The following DMPK variants were observed in gnomAD, a reference collection of about 807,000 sequenced individuals.
DMPK encodes myotonin-protein kinase.
A neutral mutation model predicts 70.3 loss-of-function variants in DMPK; 32 were observed. The observed-to-expected ratio is 0.46, with a 90% confidence interval of 0.34 to 0.61. The LOEUF (loss-of-function observed/expected upper bound fraction) is 0.61. Ranked by LOEUF, DMPK falls within the 20% of genes least tolerant of loss-of-function variation. DMPK has a pLI of 0.01. For synonymous variants in DMPK, 469 were observed against 390.9 expected (o/e 1.20, Z -2.36); for missense variants, 899 against 886.0 (o/e 1.01, Z -0.19).
Position 45,771,373 on chromosome 19 carries a change from G to A in DMPK, c.1624C>T (p.Arg542Trp), listed in dbSNP as rs762915357. 2.5e-6 allele frequency: 4 copies of A among 1,602,250 alleles called. No homozygotes were observed. Among genetic ancestry groups the A allele is most frequent in the Non-Finnish European group, 3.4e-6 (4 of 1,176,122 alleles). The change falls in exon 13 of 15, where the codon CGG becomes TGG. Residue 542 changes from arginine (R) to tryptophan (W), a missense_variant. This residue lies in a region of DMPK where 555 missense variants were observed against 483.8 expected (regional missense o/e 1.15). Transcript: ENST00000291270. ...ATAVTGVPSP[R>W]ATDPPSHLDG... Reference sequence around the variant, plus strand: ...ACATGGGAAGGTGGATCCGTGGCCCGGGGACTGGGGACCCCCGTGACAGCT... The same window carrying A: ...ACATGGGAAGGTGGATCCGTGGCCCAGGGACTGGGGACCCCCGTGACAGCT...
At chr19:45,771,196 G>A in intron 13 of DMPK, 136 bp from the exon 14 acceptor site, 3 of 1,212,240 alleles carry the variant, frequency 2.5e-6, no homozygotes, top group Non-Finnish European at 3.4e-6. Context: ...AGGCCTGAAC[G>A]GAGGGAGATC....
rs772917754 is a variant in DMPK, at chr19:45,771,671, G to C, written c.1503-6C>G. On this transcript the variant is annotated splice_polypyrimidine_tract_variant and splice_region_variant and intron_variant, in intron 11 of 14. Coordinates refer to ENST00000291270, the MANE Select transcript of DMPK (RefSeq NM_004409.5). Reference sequence around the variant, plus strand: ...CCTCTGCCTCGCGTAGTTGACTGTGGGGAGGTAAGGACGGTGAGTCCGTCC... The same window carrying C: ...CCTCTGCCTCGCGTAGTTGACTGTGCGGAGGTAAGGACGGTGAGTCCGTCC... 100 of 1,613,774 alleles carry C rather than the reference G, an allele frequency of 6.2e-5. No individual in the cohort carries two copies. The highest frequency in any genetic ancestry group is 8.1e-5 in the Non-Finnish European group (95 of 1,179,928).
At chr19:45,779,992 T>C (rs764372949) in intron 1 of DMPK, 123 bp from the exon 2 acceptor site, 2 of 1,562,854 alleles carry the variant, frequency 1.3e-6, no homozygotes, top group Admixed American at 1.9e-5. Flanking sequence ...CCTAGGACTG[T>C]CTGCTTCCCA....
At position 45,770,284 on chromosome 19, in the gene DMPK, C is replaced by A; in HGVS notation, c.*204G>T. The A allele has an allele frequency of 3.5e-6, 3 of 855,392 alleles. No homozygotes were observed. Among genetic ancestry groups the A allele is most frequent in the Admixed American group, 2.1e-5 (1 of 47,848 alleles). 53.0% of individuals were successfully genotyped at this position (855,392 alleles called of 1,614,324 possible). ...CAGCAGCATTCCCGGCTACAAGGAC[C>A]CTTCGAGCCCCGTTCGCCGGCCGCG... On this transcript the variant is annotated 3_prime_UTR_variant, in exon 15 of 15. Transcript: ENST00000291270.
At chr19:45,772,955 C>T (rs1411785970) in intron 9 of DMPK, among the ~76,000 whole-genome samples, 2 of 152,212 alleles carry the variant, frequency 1.3e-5, no homozygotes, top group African/African-American at 4.8e-5. Context: ...CCTCTCCTGG[C>T]CTTGGGCCCC....
chr19:45,774,422 C>T (rs1600427073), intron 9 of DMPK, among the ~76,000 whole-genome samples: 1 of 151,856 alleles, frequency 6.6e-6, no homozygotes, highest in African/African-American at 2.4e-5. Context: ...CCACCATGCC[C>T]GGCTAATTTT....
At chr19:45,775,196 C>T in intron 8 of DMPK, 162 bp from the exon 9 acceptor site, 1 of 596,436 alleles carries the variant, frequency 1.7e-6, no homozygotes, top group South Asian at 1.9e-5. Flanking sequence ...GATACGGAGT[C>T]TCGCTCTGTT....
intron 9 of DMPK, among the ~76,000 whole-genome samples, chr19:45,773,695 G>C (rs1393163499): frequency 6.6e-6 from 1 of 152,148 alleles, no homozygotes; most frequent in South Asian, 2.1e-4. Flanking sequence ...TTGTTGCCTA[G>C]GCTGGAATCT....
rs756122292 is a variant in DMPK, at chr19:45,777,511, G to C, written c.962C>G (p.Pro321Arg). 5.6e-6 allele frequency: 9 copies of C among 1,613,544 alleles called. No individual in the cohort carries two copies. Among genetic ancestry groups the C allele is most frequent in the South Asian group, 2.2e-5 (2 of 91,090 alleles). The change falls in exon 8 of 15, where the codon CCG becomes CGG. Residue 321 changes from proline (P) to arginine (R), a missense_variant. Transcript: ENST00000291270. The surrounding 1 kb of genome is among the most constrained non-coding windows in gnomAD (Gnocchi z 6.7). ...TCCACCCCGGCCCAGCCGTGTCTCC[G>C]GGGGACACAGCAACCGCTGAATGAA... ...RDFIQRLLCP[P>R]ETRLGRGGAG...
chr19:45,781,122 G>A (rs1339572266), intron 1 of DMPK, among the ~76,000 whole-genome samples: 1 of 152,200 alleles, frequency 6.6e-6, no homozygotes, highest in Non-Finnish European at 1.5e-5. Flanking sequence ...AAGGAACCAG[G>A]CCTGGGTCAG....
At position 45,770,597 on chromosome 19, in the gene DMPK, A is replaced by C; in HGVS notation, c.1781T>G (p.Phe594Cys). The change falls in exon 15 of 15, where the codon TTC becomes TGC. Residue 594 changes from phenylalanine to cysteine, a missense_variant. Physicochemically the swap from Phe to Cys is radical, Grantham distance 205 (BLOSUM62 -2). Transcript: ENST00000291270. ...GLSEALSLLLFAVVLSRAAAL... is the reference protein window; with the variant it reads ...GLSEALSLLLCAVVLSRAAAL... Reference sequence around the variant, plus strand: ...GGCGGCACGAGACAGAACAACGGCGAACAGGAGCAGGGAAAGCGCCTCCGA... The same window carrying C: ...GGCGGCACGAGACAGAACAACGGCGCACAGGAGCAGGGAAAGCGCCTCCGA... 1.9e-6 allele frequency: 3 copies of C among 1,552,934 alleles called. No homozygotes were observed. The highest frequency in any genetic ancestry group is 2.6e-6 in the Non-Finnish European group (3 of 1,148,268).
intron 2 of DMPK, 23 bp from the exon 3 acceptor site, chr19:45,779,545 G>C (rs760240414): frequency 1.2e-6 from 2 of 1,613,368 alleles, no homozygotes; most frequent in South Asian, 1.1e-5. Context: ...TAGTGAGACA[G>C]AGTGGAGACG....
rs1181325194 is a variant in DMPK at position 45,770,596 on chromosome 19, G to A, written c.1782C>T (p.Phe594=). The part of the protein sequence containing the change: ...GLSEALSLLL[F]AVVLSRAAAL... ...CGGCGGCACGAGACAGAACAACGGC[G>A]AACAGGAGCAGGGAAAGCGCCTCCG... Residue 594 remains phenylalanine (F), a synonymous_variant, in exon 15 of 15, where the codon TTC becomes TTT. Transcript: ENST00000291270. 1.3e-6 allele frequency: 2 copies of A among 1,552,868 alleles called. No homozygotes were observed. The highest frequency in any genetic ancestry group is 1.4e-5 in the African/African-American group (1 of 73,230).
rs926450723 is a variant in DMPK, at chr19:45,770,956, G to A, written c.1737+15C>T. The A allele has an allele frequency of 2.1e-6, 3 of 1,417,080 alleles. No individual in the cohort carries two copies. Among genetic ancestry groups the A allele is most frequent in the African/African-American group, 1.5e-5 (1 of 67,110 alleles). The allele number at this position is 1,417,080 out of a possible 1,614,324, so 87.8% of individuals were successfully genotyped here. ...GGGCGCGACGGCGGAGGGGGGCGTGGGCAGCCGGACGTACCCTGGCAGGGA... is the reference window on the plus strand; with the variant it reads ...GGGCGCGACGGCGGAGGGGGGCGTGAGCAGCCGGACGTACCCTGGCAGGGA... On this transcript the variant is annotated intron_variant, in intron 14 of 14. Transcript: ENST00000291270.
intron 10 of DMPK, 40 bp downstream of exon 10, chr19:45,772,601 C>T: frequency 2.2e-6 from 3 of 1,390,606 alleles, no homozygotes; most frequent in Non-Finnish European, 2.9e-6. Context: ...TTTTCTCTCC[C>T]AATTGTCCCT....
In DMPK at chr19:45,777,575, G is replaced by A; in HGVS notation, c.898C>T (p.Pro300Ser). The change falls in exon 8 of 15, where the codon CCG (proline) becomes TCG (serine). Residue 300 changes from proline (P) to serine (S), a missense_variant. Pro to Ser is a moderately conservative substitution (Grantham distance 74). This residue lies in a region of DMPK where 555 missense variants were observed against 483.8 expected (regional missense o/e 1.15). Coordinates refer to ENST00000291270, the MANE Select transcript of DMPK (RefSeq NM_004409.5). This position sits in a 1 kb window ranked among gnomAD's most constrained non-coding sequence, Gnocchi z 6.7. ...TCAGGGACCCCTTCGTCCACCAGCG[G>A]CAGAGAGAGGTGCTCCTGCTCAGAG... is the stretch of plus-strand genomic sequence containing the variant. ...IVHYKEHLSL[P>S]LVDEGVPEEA... 1 of 1,613,414 alleles carries A rather than the reference G, an allele frequency of 6.2e-7. No individual in the cohort carries two copies. The highest frequency in any genetic ancestry group is 1.7e-5 in the Admixed American group (1 of 59,998).
chr19:45,778,285 G>T, intron 5 of DMPK, 65 bp from the exon 6 acceptor site: 1 of 1,497,956 alleles, frequency 6.7e-7, no homozygotes, highest in Non-Finnish European at 9.2e-7. Context: ...ACCAGGCTCC[G>T]CCCCTCCGGG....
rs1969243328 is a variant in DMPK, at chr19:45,770,062, C to T, written c.*426G>A. 4.1e-6 allele frequency: 2 copies of T among 483,212 alleles called. No homozygotes were observed. The highest frequency in any genetic ancestry group is 7.7e-6 in the Non-Finnish European group (2 of 258,102). The allele number at this position is 483,212 out of a possible 1,614,324, so 29.9% of individuals were successfully genotyped here. On this transcript the variant is annotated 3_prime_UTR_variant, in exon 15 of 15. Coordinates refer to ENST00000291270, the MANE Select transcript of DMPK (RefSeq NM_004409.5). ...GGGCGTCATGCACAAGAAAGCTTTG[C>T]ACTTTGCGAACCAACGATAGGTGGG...
chr19:45,769,725 G>A lies in DMPK; in HGVS notation c.*763C>T, dbSNP rs535702541. 30 of 169,008 alleles carry A rather than the reference G, an allele frequency of 1.8e-4. No individual in the cohort carries two copies. Among genetic ancestry groups the A allele is most frequent in the African/African-American group, 6.1e-4 (25 of 40,840 alleles). 10.5% of individuals were successfully genotyped at this position (169,008 alleles called of 1,614,324 possible). A position where few individuals can be genotyped will look rare whatever the true frequency, so the allele number is the denominator to read the frequency against. The stretch of plus-strand genomic sequence containing the variant: ...ACTGTGGAGTCCAGAGCTTTGGGCA[G>A]ATGGAGGGCCTTTTATTCGCGAGGG... On this transcript the variant is annotated 3_prime_UTR_variant, in exon 15 of 15. Transcript: ENST00000291270.
Sources: allele counts gnomAD v4.1 joint callset (sites outside exome capture counted in the v4.1 genomes callset), GRCh38; gene constraint gnomAD v4.1.1; regional missense constraint gnomAD v4.1.1; non-coding constraint Gnocchi (gnomAD v3.1); transcripts MANE v1.5; gene names NCBI Gene and HGNC (gene_info 2026-07-23, HGNC 2026-07-21).